The following PIK3C2G variants were observed in gnomAD, a reference collection of about 807,000 sequenced individuals.
PIK3C2G encodes phosphatidylinositol-4-phosphate 3-kinase catalytic subunit type 2 gamma, also known as phosphatidylinositol 3-kinase C2 domain-containing subunit gamma.
PIK3C2G carries 168 observed loss-of-function variants against 181.1 expected under a neutral mutation model. The observed-to-expected ratio is 0.93, with a 90% CI of 0.82 to 1.05. PIK3C2G has a LOEUF of 1.05. Ranked by LOEUF, PIK3C2G falls within the 50% of genes least tolerant of loss-of-function variation. The pLI, the probability that PIK3C2G is intolerant of heterozygous loss-of-function variation, is 0.00. For synonymous variants in PIK3C2G, 573 were observed against 592.2 expected (o/e 0.97, Z 0.47); for missense variants, 1,869 against 1,732.8 (o/e 1.08, Z -1.40).
intron 1 of PIK3C2G, among the ~76,000 whole-genome samples, chr12:18,273,815 A>C (rs1249217361): frequency 2.0e-5 from 3 of 152,176 alleles, no homozygotes; most frequent in East Asian, 1.9e-4. Flanking sequence ...GGATCTAATT[A>C]AACTAAATAG....
intron 7 of PIK3C2G, 57 bp from the exon 8 acceptor site, chr12:18,324,978 G>A: frequency 1.2e-6 from 1 of 805,944 alleles, no homozygotes; most frequent in South Asian, 1.6e-5. Context: ...TTGTGCTAAA[G>A]GTAATATAAG....
At chr12:18,524,848 A>C (rs1943133320) in intron 24 of PIK3C2G, among the ~76,000 whole-genome samples, 2 of 151,698 alleles carry the variant, frequency 1.3e-5, no homozygotes, top group Non-Finnish European at 2.9e-5. Flanking sequence ...GATTACAGGC[A>C]TGAGCCACCC....
At chr12:18,355,819 G>A (rs1047336053) in intron 11 of PIK3C2G, among the ~76,000 whole-genome samples, 3 of 152,198 alleles carry the variant, frequency 2.0e-5, no homozygotes, top group Non-Finnish European at 2.9e-5. Context: ...TTGCATATCT[G>A]ATGGCTGGAC....
At chr12:18,723,492 T>A in the PIK3C2G span, 9 of 1,612,936 alleles carry the variant, frequency 5.6e-6, no homozygotes, top group Admixed American at 1.0e-4. Flanking sequence ...TTCGATAAAT[T>A]GCTCTAAATT....
At chr12:18,488,748 T>A in intron 19 of PIK3C2G, 119 bp downstream of exon 19, 1 of 572,344 alleles carries the variant, frequency 1.7e-6, no homozygotes, top group Non-Finnish European at 2.7e-6. Flanking sequence ...GATACTTAAA[T>A]CAATTACTTT....
At chr12:18,500,306 G>A (rs1941344535) in intron 22 of PIK3C2G, among the ~76,000 whole-genome samples, 1 of 152,182 alleles carries the variant, frequency 6.6e-6, no homozygotes, top group Non-Finnish European at 1.5e-5. Context: ...GCGGCGGAGG[G>A]TGTGCTGGGT....
the PIK3C2G span, among the ~76,000 whole-genome samples, chr12:18,680,190 G>A: frequency 6.6e-6 from 1 of 151,974 alleles, no homozygotes; most frequent in African/African-American, 2.4e-5. Context: ...CCAGTAAAAT[G>A]TCCATTGTTC....
chr12:18,660,960 A>T, the PIK3C2G span, among the ~76,000 whole-genome samples: 1 of 152,170 alleles, frequency 6.6e-6, no homozygotes, highest in Non-Finnish European at 1.5e-5. Flanking sequence ...ATAAAAATAT[A>T]GAAAACCCAA....
At chr12:18,522,051 T>C (rs1255071856) in intron 24 of PIK3C2G, among the ~76,000 whole-genome samples, 2 of 152,148 alleles carry the variant, frequency 1.3e-5, no homozygotes, top group Non-Finnish European at 2.9e-5. Context: ...TCTTCCTTCC[T>C]CTCTGTGGGT....
exon 1 of PIK3C2G, chr12:18,248,035 A>G (rs1591756752): frequency 6.6e-6 from 1 of 152,158 alleles, no homozygotes; most frequent in African/African-American, 2.4e-5. Context: ...GGTACCTGAA[A>G]ACTGCCAACG....
intron 14 of PIK3C2G, 70 bp from the exon 15 acceptor site, chr12:18,391,052 T>C: frequency 1.9e-6 from 2 of 1,064,184 alleles, no homozygotes; most frequent in Non-Finnish European, 2.6e-6. Flanking sequence ...AAATCTAAGA[T>C]AGGAATATTA....
intron 24 of PIK3C2G, among the ~76,000 whole-genome samples, chr12:18,508,225 A>G (rs572196039): frequency 1.8e-3 from 270 of 152,308 alleles, no homozygotes; most frequent in African/African-American, 6.2e-3. Flanking sequence ...GGTGGCTCCC[A>G]TAAGGCTCAT....
At chr12:18,608,257 C>T (rs570134300) in intron 30 of PIK3C2G, among the ~76,000 whole-genome samples, 11 of 152,078 alleles carry the variant, frequency 7.2e-5, no homozygotes, top group East Asian at 1.9e-4. Context: ...CACATGCACA[C>T]GTATGTTTAT....
At chr12:18,485,148 A>T (rs1254094637) in intron 18 of PIK3C2G, among the ~76,000 whole-genome samples, 1 of 152,134 alleles carries the variant, frequency 6.6e-6, no homozygotes, top group East Asian at 1.9e-4. Context: ...TGAAAACTAA[A>T]ATTACGGCCT....
At chr12:18,578,884 C>G (rs1946355466) in intron 29 of PIK3C2G, among the ~76,000 whole-genome samples, 1 of 151,986 alleles carries the variant, frequency 6.6e-6, no homozygotes, top group African/African-American at 2.4e-5. Context: ...ATGCTGAATA[C>G]TTCCGTAATA....
chr12:18,556,456 A>T (rs1322589660), intron 26 of PIK3C2G, among the ~76,000 whole-genome samples: 1 of 152,014 alleles, frequency 6.6e-6, no homozygotes, highest in Non-Finnish European at 1.5e-5. Flanking sequence ...TTACATCCTA[A>T]CTGTTGGGCA....
intron 24 of PIK3C2G, among the ~76,000 whole-genome samples, chr12:18,513,160 A>G (rs1445867253): frequency 6.6e-6 from 1 of 151,810 alleles, no homozygotes; most frequent in Non-Finnish European, 1.5e-5. Context: ...ACCATGGTGA[A>G]TGATTCTTTT....
chr12:18,709,081 T>C, the PIK3C2G span, among the ~76,000 whole-genome samples: 1 of 152,140 alleles, frequency 6.6e-6, no homozygotes, highest in Non-Finnish European at 1.5e-5. Context: ...ATCAAAATAA[T>C]AATTGCCAAA....
At chr12:18,656,464 G>C in the PIK3C2G span, among the ~76,000 whole-genome samples, 4 of 152,248 alleles carry the variant, frequency 2.6e-5, no homozygotes, top group Non-Finnish European at 5.9e-5. Flanking sequence ...TACTTGGAAG[G>C]CTGAGGCAGA....
Sources: allele counts gnomAD v4.1 joint callset (sites outside exome capture counted in the v4.1 genomes callset), GRCh38; gene constraint gnomAD v4.1.1; transcripts MANE v1.5; gene names NCBI Gene and HGNC (gene_info 2026-07-23, HGNC 2026-07-21).